Variants in CACNA1C observed in about 807,000 individuals in gnomAD.
The protein encoded by CACNA1C is calcium voltage-gated channel subunit alpha1 C.
A neutral mutation model predicts 229.0 loss-of-function variants in CACNA1C; 30 were observed. The ratio of observed to expected loss-of-function variants is 0.13; its 90% confidence interval spans 0.10 to 0.18. The LOEUF (loss-of-function observed/expected upper bound fraction) is 0.18, where lower values mean the gene tolerates loss of function less well. Ranked by LOEUF, CACNA1C falls within the 10% of genes least tolerant of loss-of-function variation. CACNA1C has a pLI of 1.00. For synonymous variants in CACNA1C, 1,114 were observed against 1,132.5 expected (o/e 0.98, Z 0.33); for missense variants, 1,658 against 2,845.0 (o/e 0.58, Z 9.49).
At position 2,372,625 on chromosome 12, in the gene CACNA1C, CT is replaced by C. The variant is rs760672024; in HGVS notation, c.478-76340del. Among the ~76,000 whole-genome samples the C allele has an allele frequency of 8.6e-3, 1,264 of 146,776 alleles. 15 individuals carry two copies. The highest frequency in any genetic ancestry group is 0.025 in the African/African-American group (1,027 of 40,320). On this transcript the variant is annotated intron_variant, in intron 3 of 46. Coordinates refer to ENST00000399655, the MANE Select transcript of CACNA1C (RefSeq NM_000719.7). Reference sequence around the variant, plus strand: ...ATAATAATAAATAAATCCGCATTCCCTTTTTTTTTTTGGCAACCTGAAAAAA... The same window carrying C: ...ATAATAATAAATAAATCCGCATTCCCTTTTTTTTTTGGCAACCTGAAAAAA...
intron 1 of CACNA1C, among the ~76,000 whole-genome samples, chr12:1,975,033 C>T (rs1050106818): frequency 7.2e-5 from 11 of 152,082 alleles, no homozygotes; most frequent in Admixed American, 2.6e-4. Context: ...AACTATAAAA[C>T]ACATGATCAC....
intron 1 of CACNA1C, among the ~76,000 whole-genome samples, chr12:1,988,918 G>C (rs866372684): frequency 5.9e-5 from 9 of 152,302 alleles, no homozygotes; most frequent in African/African-American, 2.2e-4. Flanking sequence ...TTAAGACTTA[G>C]GAGGAGTTTT....
intron 5 of CACNA1C, among the ~76,000 whole-genome samples, chr12:2,460,214 A>G (rs537017271): frequency 6.6e-6 from 1 of 152,346 alleles, no homozygotes; most frequent in African/African-American, 2.4e-5. Context: ...TTAGAGCCAA[A>G]CCGCACTAGC....
At chr12:2,202,686 G>C (rs530495299) in intron 3 of CACNA1C, among the ~76,000 whole-genome samples, 10 of 152,244 alleles carry the variant, frequency 6.6e-5, no homozygotes, top group Non-Finnish European at 1.3e-4. Context: ...AGAGGAAGGG[G>C]ACTTGCTTCA....
rs756015892 is a variant in CACNA1C at position 2,582,926 on chromosome 12, C to T, written c.2208C>T (p.Leu736=). Residue 736 remains leucine (L), a synonymous_variant, in exon 15 of 47, where the codon CTC becomes CTT. Transcript: ENST00000399655. ...TAGTCTGTATTTACTTCATCATCCT[C>T]TTCATCTGTGGAAACTGTATCCTTT... The part of the protein sequence containing the change: ...GMLVCIYFII[L]FICGNYILLN... 6.3e-7 allele frequency: 1 copy of T among 1,578,632 alleles called. No homozygotes were observed. Among genetic ancestry groups the T allele is most frequent in the South Asian group, 1.2e-5 (1 of 86,206 alleles).
chr12:2,301,750 G>A (rs2094576865), intron 3 of CACNA1C, among the ~76,000 whole-genome samples: 1 of 152,180 alleles, frequency 6.6e-6, no homozygotes, highest in African/African-American at 2.4e-5. Context: ...GCCTGAAGGA[G>A]CCTTCCATCT....
chr12:2,433,487 C>G (rs571805033), intron 3 of CACNA1C, among the ~76,000 whole-genome samples: 1 of 152,332 alleles, frequency 6.6e-6, no homozygotes, highest in Admixed American at 6.5e-5. Context: ...ATTCATCCAC[C>G]CATTCACTCA....
chr12:2,515,110 G>A (rs1420102608), intron 9 of CACNA1C, among the ~76,000 whole-genome samples: 1 of 152,206 alleles, frequency 6.6e-6, no homozygotes, highest in Admixed American at 6.5e-5. Context: ...GTCCTAAGAG[G>A]ACTGGAGTGG....
chr12:2,014,374 A>C (rs1241545446), intron 1 of CACNA1C, among the ~76,000 whole-genome samples: 2 of 152,138 alleles, frequency 1.3e-5, no homozygotes, highest in Admixed American at 1.3e-4. Context: ...CCCATGGAGT[A>C]GGTAGCAAGT....
rs61627008 is a variant in CACNA1C, at chr12:2,371,724, C to CTTTTTTTTTTTTTTTTTT, written c.478-77247_478-77230dup. On this transcript the variant is annotated intron_variant, in intron 3 of 46. Coordinates refer to ENST00000399655, the MANE Select transcript of CACNA1C (RefSeq NM_000719.7). Reference sequence around the variant, plus strand: ...CAAGCACATACTAAATGACATATGGCTTTTTTTTTTTTTTTTTTTTTTAAT... The same window carrying CTTTTTTTTTTTTTTTTTT: ...CAAGCACATACTAAATGACATATGGCTTTTTTTTTTTTTTTTTTTTTTTTTTTTTTTTTTTTTTTTAAT... 4.7e-5 allele frequency among the ~76,000 whole-genome samples: 6 copies of CTTTTTTTTTTTTTTTTTT among 129,016 alleles called. 2 individuals carry two copies. The highest frequency in any genetic ancestry group is 6.4e-5 in the Non-Finnish European group (4 of 62,042). The allele number at this position is 129,016 out of a possible 152,430, so 84.6% of individuals were successfully genotyped here.
chr12:2,215,846 C>G lies in CACNA1C; in HGVS notation c.477+95416C>G, dbSNP rs1042135363. On this transcript the variant is annotated intron_variant, in intron 3 of 46. Transcript: ENST00000399655. The surrounding 1 kb of genome is among the most constrained non-coding windows in gnomAD (Gnocchi z 5.0). ...TGCCTGCCTGGGGAGCAGCTGATGGCGAATCTGTGTCCTAGAACACGCCCT... is the reference window on the plus strand; with the variant it reads ...TGCCTGCCTGGGGAGCAGCTGATGGGGAATCTGTGTCCTAGAACACGCCCT... Among the ~76,000 whole-genome samples, 1 of 152,208 alleles carries G rather than the reference C, an allele frequency of 6.6e-6. No homozygotes were observed. The highest frequency in any genetic ancestry group is 1.5e-5 in the Non-Finnish European group (1 of 68,038).
chr12:2,421,501 G>T (rs1263697252), intron 3 of CACNA1C, among the ~76,000 whole-genome samples: 2 of 152,172 alleles, frequency 1.3e-5, no homozygotes, highest in Non-Finnish European at 2.9e-5. Context: ...AGAAGGAAGA[G>T]GTCAACTCAG....
At chr12:2,211,600 A>T (rs971474470) in intron 3 of CACNA1C, among the ~76,000 whole-genome samples, 18 of 152,018 alleles carry the variant, frequency 1.2e-4, no homozygotes, top group African/African-American at 4.3e-4. Flanking sequence ...AAAGTCATTC[A>T]TGCAGGTTTG....
At chr12:2,014,099 C>T (rs1024599194) in intron 1 of CACNA1C, among the ~76,000 whole-genome samples, 3 of 152,112 alleles carry the variant, frequency 2.0e-5, no homozygotes, top group African/African-American at 7.2e-5. Context: ...GAGCAGTGAC[C>T]AGGACTGCAG....
chr12:2,486,153 G>A lies in CACNA1C; in HGVS notation c.807G>A (p.Leu269=), dbSNP rs1372220850. 6.2e-7 allele frequency: 1 copy of A among 1,613,138 alleles called. No individual in the cohort carries two copies. The highest frequency in any genetic ancestry group is 8.5e-7 in the Non-Finnish European group (1 of 1,179,396). The part of the protein sequence containing the change: ...NSIIKAMVPL[L]HIALLVLFVI... ...TCATCAAGGCCATGGTCCCCCTGCT[G>A]CACATCGCCCTGCTTGTGCTGTTTG... The change falls in exon 6 of 47, where the codon CTG becomes CTA. Residue 269 remains leucine (L), a synonymous_variant. Transcript: ENST00000399655. The surrounding 1 kb of genome is among the most constrained non-coding windows in gnomAD (Gnocchi z 4.9).
At position 2,585,434 on chromosome 12, in the gene CACNA1C, AAGG is replaced by A. The variant is rs771014370; in HGVS notation, c.2404_2406del (p.Glu802del). The A allele has an allele frequency of 1.5e-5, 24 of 1,605,372 alleles. No individual in the cohort carries two copies. Among genetic ancestry groups the A allele is most frequent in the Admixed American group, 1.4e-4 (8 of 58,446 alleles). ...GGAGAAGCCGGCAGTGGGGGAATCC[AAGG>A]AGGAGAAGATTGAGCTGAAATCCAT... On this transcript the variant is annotated inframe_deletion, in exon 17 of 47. Coordinates refer to ENST00000399655, the MANE Select transcript of CACNA1C (RefSeq NM_000719.7). The surrounding 1 kb of genome is among the most constrained non-coding windows in gnomAD (Gnocchi z 4.1).
intron 5 of CACNA1C, among the ~76,000 whole-genome samples, chr12:2,471,095 A>G (rs2099589531): frequency 2.6e-5 from 4 of 152,194 alleles, no homozygotes; most frequent in Admixed American, 2.6e-4. Flanking sequence ...GCCTTCCAAA[A>G]TGCTAGGATT....
At chr12:2,033,851 G>A (rs182204436) in intron 1 of CACNA1C, among the ~76,000 whole-genome samples, 146 of 152,330 alleles carry the variant, frequency 9.6e-4, no homozygotes, top group Admixed American at 2.7e-3. Context: ...TAGAGGTGGT[G>A]AGAGTTTGCC....
chr12:2,127,976 T>C (rs139721619), intron 3 of CACNA1C, among the ~76,000 whole-genome samples: 1 of 152,366 alleles, frequency 6.6e-6, no homozygotes, highest in East Asian at 1.9e-4. Flanking sequence ...TATTTATTTG[T>C]TTACTTGATG....
Sources: allele counts gnomAD v4.1 joint callset (sites outside exome capture counted in the v4.1 genomes callset), GRCh38; gene constraint gnomAD v4.1.1; non-coding constraint Gnocchi (gnomAD v3.1); transcripts MANE v1.5; gene names NCBI Gene and HGNC (gene_info 2026-07-23, HGNC 2026-07-21).